Variants in XKR4 observed in about 807,000 individuals in gnomAD.
The protein encoded by XKR4 is XK-related protein 4.
XKR4 carries 12 observed loss-of-function variants against 53.9 expected under a neutral mutation model. The ratio of observed to expected loss-of-function variants is 0.22; its 90% confidence interval spans 0.14 to 0.36. The LOEUF (loss-of-function observed/expected upper bound fraction) is 0.36, where lower values mean the gene tolerates loss of function less well. XKR4 is among the 10% of genes least tolerant of loss of function. XKR4 has a pLI of 1.00. For missense variants in XKR4, 799 were observed against 859.5 expected, an observed-to-expected ratio of 0.93 and a Z score of 0.88; for synonymous variants, 354 against 362.4, an observed-to-expected ratio of 0.98 and a Z score of 0.26.
At chr8:55,465,143 G>A (rs761939842) in intron 2 of XKR4, among the ~76,000 whole-genome samples, 1 of 152,032 alleles carries the variant, frequency 6.6e-6, no homozygotes, top group Non-Finnish European at 1.5e-5. Context: ...CTACTTTAAA[G>A]TTCATATGGA....
intron 2 of XKR4, among the ~76,000 whole-genome samples, chr8:55,504,320 C>A (rs1806492342): frequency 6.6e-6 from 1 of 151,964 alleles, no homozygotes; most frequent in Non-Finnish European, 1.5e-5. Flanking sequence ...TCAAGCAATT[C>A]CCCTGTCTCA....
chr8:55,149,079 T>C (rs1195930563), intron 1 of XKR4, among the ~76,000 whole-genome samples: 1 of 152,194 alleles, frequency 6.6e-6, no homozygotes, highest in East Asian at 1.9e-4. Flanking sequence ...CCCTATTTAA[T>C]CTTTGCCTAG....
chr8:55,118,674 A>G (rs929086597), intron 1 of XKR4, among the ~76,000 whole-genome samples: 2 of 152,248 alleles, frequency 1.3e-5, no homozygotes, highest in Admixed American at 1.3e-4. Flanking sequence ...GTTCCCGTTC[A>G]AAAGATGCTT....
At chr8:55,295,109 C>T (rs1232376518) in intron 1 of XKR4, among the ~76,000 whole-genome samples, 1 of 152,162 alleles carries the variant, frequency 6.6e-6, no homozygotes, top group Non-Finnish European at 1.5e-5. Context: ...ATACTGCTAA[C>T]ACTCAGTGTA....
At chr8:55,243,351 C>G (rs1365512355) in intron 1 of XKR4, among the ~76,000 whole-genome samples, 2 of 152,228 alleles carry the variant, frequency 1.3e-5, no homozygotes, top group Non-Finnish European at 2.9e-5. Flanking sequence ...ATCCTTCCCT[C>G]CCTTGAAAAC....
intron 1 of XKR4, among the ~76,000 whole-genome samples, chr8:55,146,905 G>C (rs532911120): frequency 6.6e-6 from 1 of 152,202 alleles, no homozygotes; most frequent in African/African-American, 2.4e-5. Flanking sequence ...TTCTGCCCAC[G>C]CTGGAGCTCC....
chr8:55,451,593 G>A lies in XKR4; in HGVS notation c.1007-71688G>A, dbSNP rs574636678. On this transcript the variant is annotated intron_variant, in intron 2 of 2. Coordinates refer to ENST00000327381, the MANE Select transcript of XKR4 (RefSeq NM_052898.2). ...CTGCCTTGGACCGCCGGATGCGCCAGCAGACAACGGTGAAGCGGTTCTGGC... is the reference window on the plus strand; with the variant it reads ...CTGCCTTGGACCGCCGGATGCGCCAACAGACAACGGTGAAGCGGTTCTGGC... The A allele has an allele frequency of 2.3e-4, 314 of 1,351,878 alleles. 2 individuals carry two copies. In the Middle Eastern group the frequency reaches 2.4e-3, roughly 10 times the overall value. The allele number at this position is 1,351,878 out of a possible 1,614,324, so 83.7% of individuals were successfully genotyped here. A position where few individuals can be genotyped will look rare whatever the true frequency, so the allele number is the denominator to read the frequency against.
chr8:55,294,862 A>G (rs1209211088), intron 1 of XKR4, among the ~76,000 whole-genome samples: 1 of 152,168 alleles, frequency 6.6e-6, no homozygotes, highest in Non-Finnish European at 1.5e-5. Context: ...AAAGACGAAG[A>G]CCTCAGGATA....
intron 1 of XKR4, among the ~76,000 whole-genome samples, chr8:55,265,394 C>T (rs1818581584): frequency 6.6e-6 from 1 of 152,176 alleles, no homozygotes; most frequent in South Asian, 2.1e-4. Context: ...GGTTAAGATC[C>T]CCATGTGGCT....
chr8:55,298,386 A>C (rs185274623), intron 1 of XKR4, among the ~76,000 whole-genome samples: 7 of 152,284 alleles, frequency 4.6e-5, no homozygotes, highest in Middle Eastern at 6.8e-3. Flanking sequence ...AAAGAAAAGA[A>C]TTTTATCTGG....
rs114539643 is a variant in XKR4, at chr8:55,533,974, G to T, written c.*9747G>T. ...TTTGAAAAAAAAGAAAAATATTCCC[G>T]GGGGCTTGCATAGCTCAGAGAACGG... On this transcript the variant is annotated 3_prime_UTR_variant, in exon 3 of 3. Transcript: ENST00000327381. The T allele has an allele frequency of 1.3e-5, 2 of 152,008 alleles. No individual in the cohort carries two copies. Among genetic ancestry groups the T allele is most frequent in the Admixed American group, 6.6e-5 (1 of 15,264 alleles). The allele number at this position is 152,008 out of a possible 1,614,324, so 9.4% of individuals were successfully genotyped here. A position where few individuals can be genotyped will look rare whatever the true frequency, so the allele number is the denominator to read the frequency against.
chr8:55,406,058 GAGAT>G (rs1326785348), intron 2 of XKR4, among the ~76,000 whole-genome samples: 1 of 152,206 alleles, frequency 6.6e-6, no homozygotes, highest in Non-Finnish European at 1.5e-5. Flanking sequence ...GATCAATGAT[GAGAT>G]GTCTCTGTTC....
intron 2 of XKR4, among the ~76,000 whole-genome samples, chr8:55,510,154 AAGAAGGCCAGGC>A (rs1291756729): frequency 6.6e-6 from 1 of 152,022 alleles, no homozygotes; most frequent in Admixed American, 6.5e-5. Flanking sequence ...TCAATACTGC[AAGAAGGCCAGGC>A]AGAAGGCCTA....
intron 1 of XKR4, among the ~76,000 whole-genome samples, chr8:55,155,907 C>T (rs930639887): frequency 1.3e-5 from 2 of 152,066 alleles, no homozygotes; most frequent in African/African-American, 4.8e-5. Context: ...CTATATTTAG[C>T]CAATTTATCC....
Position 55,527,505 on chromosome 8 carries a change from T to C in XKR4, c.*3278T>C, listed in dbSNP as rs1016478793. 1.3e-5 allele frequency: 2 copies of C among 152,032 alleles called. No individual in the cohort carries two copies. The highest frequency in any genetic ancestry group is 1.9e-4 in the East Asian group (1 of 5,200). The allele number at this position is 152,032 out of a possible 1,614,324, so 9.4% of individuals were successfully genotyped here. ...AACCATGTTTAATGAATATATATAA[T>C]GTGTGTGTGTGTATCTTAACCATAG... On this transcript the variant is annotated 3_prime_UTR_variant, in exon 3 of 3. Transcript: ENST00000327381.
At chr8:55,241,325 C>A (rs1176594131) in intron 1 of XKR4, among the ~76,000 whole-genome samples, 1 of 152,168 alleles carries the variant, frequency 6.6e-6, no homozygotes, top group East Asian at 1.9e-4. Context: ...CCTACAGCAA[C>A]CTTTGTGGTC....
At chr8:55,446,204 G>A (rs1805344217) in intron 2 of XKR4, among the ~76,000 whole-genome samples, 1 of 152,178 alleles carries the variant, frequency 6.6e-6, no homozygotes, top group African/African-American at 2.4e-5. Context: ...ATCACGTGGA[G>A]GTACCTGGCC....
At chr8:55,411,863 G>C (rs985962900) in intron 2 of XKR4, among the ~76,000 whole-genome samples, 1 of 151,986 alleles carries the variant, frequency 6.6e-6, no homozygotes, top group Non-Finnish European at 1.5e-5. Flanking sequence ...ACCCATGAAG[G>C]ACAGTGACGA....
intron 1 of XKR4, among the ~76,000 whole-genome samples, chr8:55,278,564 A>G (rs1585982995): frequency 6.6e-6 from 1 of 152,174 alleles, no homozygotes; most frequent in Non-Finnish European, 1.5e-5. Flanking sequence ...TGACTGAGGA[A>G]GTACCAACTG....
Sources: gnomAD v4.1 joint callset for allele counts (sites outside exome capture counted in the v4.1 genomes callset) on GRCh38, gnomAD v4.1.1 for gene constraint, MANE v1.5 for transcripts, NCBI Gene and HGNC (gene_info 2026-07-23, HGNC 2026-07-21) for gene names.